Variants in PDE11A observed in about 807,000 individuals in gnomAD.
The protein encoded by PDE11A is phosphodiesterase 11A.
In PDE11A, 100 loss-of-function variants were observed where a neutral mutation model predicts 100.5. The observed-to-expected ratio is 1.00, with a 90% confidence interval of 0.85 to 1.18. The LOEUF is 1.18. PDE11A is among the 50% of genes most tolerant of loss of function. PDE11A has a pLI of 0.00. For synonymous variants in PDE11A, 381 were observed against 420.8 expected (o/e 0.91, Z 1.16); for missense variants, 1,141 against 1,152.6 (o/e 0.99, Z 0.15).
intron 1 of PDE11A, among the ~76,000 whole-genome samples, chr2:178,045,096 T>G (rs969269810): frequency 2.0e-5 from 3 of 152,170 alleles, no homozygotes; most frequent in African/African-American, 4.8e-5. Flanking sequence ...AAATGTGCAG[T>G]TTTTTTCTAG....
chr2:177,916,506 C>T (rs1453274954), intron 2 of PDE11A, among the ~76,000 whole-genome samples: 2 of 152,154 alleles, frequency 1.3e-5, no homozygotes, highest in African/African-American at 4.8e-5. Context: ...CATTTGCTTC[C>T]TCTATCTTAT....
At chr2:177,957,094 A>C (rs2085574579) in intron 2 of PDE11A, among the ~76,000 whole-genome samples, 1 of 152,126 alleles carries the variant, frequency 6.6e-6, no homozygotes, top group African/African-American at 2.4e-5. Flanking sequence ...AAAACAAAAA[A>C]AAACAAACAA....
intron 2 of PDE11A, among the ~76,000 whole-genome samples, chr2:178,006,609 T>C (rs2086214816): frequency 6.6e-6 from 1 of 152,190 alleles, no homozygotes; most frequent in South Asian, 2.1e-4. Flanking sequence ...GTAATAGTTT[T>C]CCCATAAATC....
At chr2:177,795,919 T>A (rs2082698908) in intron 9 of PDE11A, among the ~76,000 whole-genome samples, 1 of 127,146 alleles carries the variant, frequency 7.9e-6, no homozygotes, top group Non-Finnish European at 1.7e-5. Context: ...TAATTATTAC[T>A]ATTATTTTGT....
At chr2:177,709,899 T>C (rs75173837) in intron 13 of PDE11A, among the ~76,000 whole-genome samples, 1 of 151,920 alleles carries the variant, frequency 6.6e-6, no homozygotes, top group Non-Finnish European at 1.5e-5. Flanking sequence ...TCTCCAATGA[T>C]TGGAACCGGA....
intron 12 of PDE11A, among the ~76,000 whole-genome samples, chr2:177,724,361 T>C (rs2105443143): frequency 6.6e-6 from 1 of 152,174 alleles, no homozygotes; most frequent in East Asian, 1.9e-4. Flanking sequence ...AACCGCTTTG[T>C]TACCTACACA....
At chr2:177,825,772 C>T (rs1299799854) in intron 6 of PDE11A, among the ~76,000 whole-genome samples, 1 of 152,176 alleles carries the variant, frequency 6.6e-6, no homozygotes, top group African/African-American at 2.4e-5. Context: ...ACCACCCCAA[C>T]GAAGTCACCC....
intron 1 of PDE11A, among the ~76,000 whole-genome samples, chr2:178,038,556 C>T (rs1330301126): frequency 1.3e-5 from 2 of 151,810 alleles, no homozygotes; most frequent in East Asian, 3.9e-4. Flanking sequence ...AAAGCAAATT[C>T]AATAGGAAAA....
intron 10 of PDE11A, among the ~76,000 whole-genome samples, chr2:177,766,648 C>T (rs1288747584): frequency 6.6e-6 from 1 of 152,152 alleles, no homozygotes; most frequent in East Asian, 1.9e-4. Context: ...TCAGTAAACG[C>T]TTTTCACTGT....
intron 10 of PDE11A, among the ~76,000 whole-genome samples, chr2:177,758,751 C>T (rs930846104): frequency 6.6e-6 from 1 of 152,188 alleles, no homozygotes; most frequent in African/African-American, 2.4e-5. Flanking sequence ...CTTGGCCACC[C>T]GCCGGCTGCC....
intron 1 of PDE11A, among the ~76,000 whole-genome samples, chr2:178,044,862 G>C (rs1250711953): frequency 1.3e-5 from 2 of 151,870 alleles, no homozygotes; most frequent in Admixed American, 6.6e-5. Flanking sequence ...GTTTTTTTGG[G>C]GGATGTTATA....
rs534927659 is a variant in PDE11A, at chr2:177,706,904, T to C, written c.2153+4865A>G. Among the ~76,000 whole-genome samples, 8 of 152,006 alleles carry C rather than the reference T, an allele frequency of 5.3e-5. No individual in the cohort carries two copies. The South Asian group carries it at 1.5e-3, about 28-fold the overall frequency. On this transcript the variant is annotated intron_variant, in intron 13 of 19. Transcript: ENST00000286063. ...GGGGACCTCGGTTTTTGTTTTTTTT[T>C]GTAAAATTGAGGAAGTGTAAAACAT...
chr2:177,910,099 G>A (rs1300370323), intron 2 of PDE11A, among the ~76,000 whole-genome samples: 1 of 152,122 alleles, frequency 6.6e-6, no homozygotes, highest in East Asian at 1.9e-4. Flanking sequence ...TACTGTGGAT[G>A]GAGACAATAT....
intron 5 of PDE11A, among the ~76,000 whole-genome samples, chr2:177,851,832 A>T (rs1264163091): frequency 6.6e-6 from 1 of 151,782 alleles, no homozygotes; most frequent in Admixed American, 6.6e-5. Context: ...TGTTGTATGG[A>T]TTATTTCATC....
intron 1 of PDE11A, among the ~76,000 whole-genome samples, chr2:178,053,573 T>A (rs1245670557): frequency 6.6e-6 from 1 of 152,176 alleles, no homozygotes; most frequent in Admixed American, 6.5e-5. Context: ...GAAGTCAAAT[T>A]GTCCCTGTTT....
At chr2:177,723,071 T>G (rs1315555478) in intron 12 of PDE11A, 1 of 152,134 alleles carries the variant, frequency 6.6e-6, no homozygotes, top group Non-Finnish European at 1.5e-5. Flanking sequence ...TTCAATTGGT[T>G]CTGTATTTCT....
At chr2:177,853,929 T>G (rs1413501062) in intron 5 of PDE11A, among the ~76,000 whole-genome samples, 1 of 147,646 alleles carries the variant, frequency 6.8e-6, no homozygotes, top group Non-Finnish European at 1.5e-5. Flanking sequence ...TATATGTATA[T>G]ATATGTGTGT....
rs566406859 is a variant in PDE11A, at chr2:177,905,298, T to G, written c.1072-111A>C. The stretch of plus-strand genomic sequence containing the variant: ...GCCTGATTGTAATACTTTATTTGCA[T>G]CTATAGAGATTGAATACAGAGAGTT... On this transcript the variant is annotated intron_variant, in intron 2 of 19. Coordinates refer to ENST00000286063, the MANE Select transcript of PDE11A (RefSeq NM_016953.4). 4 of 637,560 alleles carry G rather than the reference T, an allele frequency of 6.3e-6. No homozygotes were observed. In the South Asian group the frequency reaches 7.6e-5, roughly 12 times the overall value. 39.5% of individuals were successfully genotyped at this position (637,560 alleles called of 1,614,324 possible).
chr2:177,652,458 G>A (rs2080325147), intron 19 of PDE11A, among the ~76,000 whole-genome samples: 1 of 152,170 alleles, frequency 6.6e-6, no homozygotes, highest in Non-Finnish European at 1.5e-5. Context: ...AAAGGAAGGA[G>A]AGAGAGGAGG....
Sources: gnomAD v4.1 joint callset for allele counts (sites outside exome capture counted in the v4.1 genomes callset) on GRCh38, gnomAD v4.1.1 for gene constraint, MANE v1.5 for transcripts, NCBI Gene and HGNC (gene_info 2026-07-23, HGNC 2026-07-21) for gene names.